Variants in WNT3A observed in about 807,000 individuals in gnomAD.
WNT3A encodes the protein Wnt family member 3A, also known as protein Wnt-3a.
A neutral mutation model predicts 37.0 loss-of-function variants in WNT3A; 17 were observed. The observed-to-expected ratio is 0.46, with a 90% CI of 0.31 to 0.69. WNT3A has a LOEUF of 0.69. Among genes scored for constraint, WNT3A ranks in the 30% least tolerant of loss-of-function variants. WNT3A has a pLI of 0.05. For synonymous variants in WNT3A, 187 were observed against 211.0 expected, an observed-to-expected ratio of 0.89 and a Z score of 0.99; for missense variants, 411 against 510.2, an observed-to-expected ratio of 0.81 and a Z score of 1.87.
intron 2 of WNT3A, among the ~76,000 whole-genome samples, chr1:228,029,239 GC>G (rs1254490490): frequency 6.6e-6 from 1 of 152,172 alleles, no homozygotes; most frequent in Non-Finnish European, 1.5e-5. Flanking sequence ...TTTTTGGAGG[GC>G]CCTTGGAGCT....
chr1:228,028,223 A>G (rs2030900822), intron 2 of WNT3A, among the ~76,000 whole-genome samples: 1 of 151,626 alleles, frequency 6.6e-6, no homozygotes, highest in African/African-American at 2.4e-5. Flanking sequence ...ATAGTAGTAT[A>G]ATTAGTAGTA....
chr1:228,054,802 T>A (rs2031636426), intron 3 of WNT3A, among the ~76,000 whole-genome samples: 1 of 150,406 alleles, frequency 6.6e-6, no homozygotes, highest in African/African-American at 2.4e-5. Context: ...AATGCTTACT[T>A]AGGTTCACAA....
At chr1:228,044,664 C>G (rs2031360650) in intron 2 of WNT3A, among the ~76,000 whole-genome samples, 1 of 152,246 alleles carries the variant, frequency 6.6e-6, no homozygotes, top group Non-Finnish European at 1.5e-5. Flanking sequence ...GCAAGGTTAA[C>G]TCAGTCCCCA....
At position 228,050,814 on chromosome 1, in the gene WNT3A, G is replaced by A. The variant is rs1488574529; in HGVS notation, c.472G>A (p.Asp158Asn). The change falls in exon 3 of 4, where the codon GAC becomes AAC. Residue 158 changes from aspartate (D) to asparagine (N), a missense_variant. Asp to Asn is a conservative substitution (Grantham distance 23). Coordinates refer to ENST00000284523, the MANE Select transcript of WNT3A (RefSeq NM_033131.4). The surrounding 1 kb of genome is among the most constrained non-coding windows in gnomAD (Gnocchi z 5.0). ...CTGGAAGTGGGGTGGCTGTAGCGAG[G>A]ACATCGAGTTTGGTGGGATGGTGTC... ...KGWKWGGCSE[D>N]IEFGGMVSRE... is the part of the protein sequence containing the mutation. The A allele has an allele frequency of 3.1e-6, 5 of 1,613,328 alleles. No individual in the cohort carries two copies. The African/African-American group carries it at 4.0e-5, about 13-fold the overall frequency.
At position 228,059,938 on chromosome 1, in the gene WNT3A, A is replaced by C; in HGVS notation, c.*473A>C. The C allele has an allele frequency of 9.1e-7, 1 of 1,096,130 alleles. No homozygotes were observed. Among genetic ancestry groups the C allele is most frequent in the Non-Finnish European group, 1.1e-6 (1 of 893,326 alleles). The allele number at this position is 1,096,130 out of a possible 1,614,324, so 67.9% of individuals were successfully genotyped here. A position where few individuals can be genotyped will look rare whatever the true frequency, so the allele number is the denominator to read the frequency against. On this transcript the variant is annotated 3_prime_UTR_variant, in exon 4 of 4. Transcript: ENST00000284523. The stretch of plus-strand genomic sequence containing the variant: ...CTAGGATGGGGCACGGCTCTGGGGT[A>C]GGCTGCTCCCTGAGGGCGGAGCGCC...
chr1:228,020,833 G>T (rs1277978745), intron 1 of WNT3A, among the ~76,000 whole-genome samples: 1 of 152,182 alleles, frequency 6.6e-6, no homozygotes, highest in Non-Finnish European at 1.5e-5. Context: ...GGGACAGACA[G>T]GAGGGAGGGT....
At chr1:228,020,475 T>G (rs1395644127) in intron 1 of WNT3A, among the ~76,000 whole-genome samples, 1 of 152,194 alleles carries the variant, frequency 6.6e-6, no homozygotes, top group Non-Finnish European at 1.5e-5. Flanking sequence ...CACTTGGCCC[T>G]GGGCAGTGGC....
intron 2 of WNT3A, among the ~76,000 whole-genome samples, chr1:228,040,779 G>A (rs913908955): frequency 6.6e-6 from 1 of 151,376 alleles, no homozygotes; most frequent in Non-Finnish European, 1.5e-5. Context: ...CCAGCTACTC[G>A]GGAGGCTGAG....
intron 2 of WNT3A, among the ~76,000 whole-genome samples, chr1:228,033,292 T>A (rs540902110): frequency 2.8e-4 from 42 of 152,358 alleles, no homozygotes; most frequent in African/African-American, 9.4e-4. Flanking sequence ...AGGTTTTTTT[T>A]AAATAAGAGT....
In WNT3A at chr1:228,059,884, G is replaced by C; in HGVS notation, c.*419G>C. ...GCACTAGGTAGGCTTCTACCTGCAGGCGGGGCTCCTCCTGAAGGAGGCGGG... is the reference window on the plus strand; with the variant it reads ...GCACTAGGTAGGCTTCTACCTGCAGCCGGGGCTCCTCCTGAAGGAGGCGGG... On this transcript the variant is annotated 3_prime_UTR_variant, in exon 4 of 4. Transcript: ENST00000284523. 9.5e-7 allele frequency: 1 copy of C among 1,052,592 alleles called. No homozygotes were observed. Among genetic ancestry groups the C allele is most frequent in the Non-Finnish European group, 1.1e-6 (1 of 871,396 alleles). 65.2% of individuals were successfully genotyped at this position (1,052,592 alleles called of 1,614,324 possible). A position where few individuals can be genotyped will look rare whatever the true frequency, so the allele number is the denominator to read the frequency against.
At chr1:228,055,178 A>AT (rs1558296133) in intron 3 of WNT3A, among the ~76,000 whole-genome samples, 35 of 46,928 alleles carry the variant, frequency 7.5e-4, no homozygotes, top group Non-Finnish European at 1.1e-3. Flanking sequence ...AAAAAAAAAA[A>AT]AATATATATA....
At chr1:228,057,192 T>C (rs536927131) in intron 3 of WNT3A, among the ~76,000 whole-genome samples, 1 of 152,274 alleles carries the variant, frequency 6.6e-6, no homozygotes, top group African/African-American at 2.4e-5. Context: ...CTTAAAGTAG[T>C]CCCAATACCA....
Position 228,008,518 on chromosome 1 carries a change from C to T in WNT3A, c.71+1319C>T, listed in dbSNP as rs1211053926. ...AGGCCGCGGGGACGCGCTTCGGGGA[C>T]CCCCGCGCGCCCCTATTTCCGCGTG... On this transcript the variant is annotated intron_variant, in intron 1 of 3. Transcript: ENST00000284523. This position sits in a 1 kb window ranked among gnomAD's most constrained non-coding sequence, Gnocchi z 4.9. Among the ~76,000 whole-genome samples the T allele has an allele frequency of 6.6e-6, 1 of 152,128 alleles. No individual in the cohort carries two copies. Among genetic ancestry groups the T allele is most frequent in the Non-Finnish European group, 1.5e-5 (1 of 67,994 alleles).
At chr1:228,023,510 C>T (rs980256993) in intron 2 of WNT3A, among the ~76,000 whole-genome samples, 1 of 150,308 alleles carries the variant, frequency 6.7e-6, no homozygotes, top group Admixed American at 6.6e-5. Context: ...AATAGAAAGA[C>T]AGAGACATAA....
In WNT3A at chr1:228,039,707, C is replaced by T. The variant is rs1280603367; in HGVS notation, c.314-10949C>T. On this transcript the variant is annotated intron_variant, in intron 2 of 3. Coordinates refer to ENST00000284523, the MANE Select transcript of WNT3A (RefSeq NM_033131.4). The surrounding 1 kb of genome is among the most constrained non-coding windows in gnomAD (Gnocchi z 4.1). The stretch of plus-strand genomic sequence containing the variant: ...CCCAGTTGAACTTGGGTCCCCAGGG[C>T]GGCCCTGCAGTGATTCATTGGCCCC... Among the ~76,000 whole-genome samples, 2 of 152,140 alleles carry T rather than the reference C, an allele frequency of 1.3e-5. No homozygotes were observed. Among genetic ancestry groups the T allele is most frequent in the African/African-American group, 2.4e-5 (1 of 41,436 alleles).
chr1:228,010,030 T>C (rs2030323981), intron 1 of WNT3A, among the ~76,000 whole-genome samples: 1 of 152,180 alleles, frequency 6.6e-6, no homozygotes, highest in Non-Finnish European at 1.5e-5. Flanking sequence ...CCAATGCATA[T>C]GCATCTGCCC....
At position 228,016,278 on chromosome 1, in the gene WNT3A, G is replaced by A. The variant is rs114840733; in HGVS notation, c.72-6389G>A. The stretch of plus-strand genomic sequence containing the variant: ...TCAAGGAAGCCATAGAAGTTTCCCC[G>A]TCAGCCTTAGAATGTCCAAGCTAGA... On this transcript the variant is annotated intron_variant, in intron 1 of 3. Coordinates refer to ENST00000284523, the MANE Select transcript of WNT3A (RefSeq NM_033131.4). 1.7e-3 allele frequency among the ~76,000 whole-genome samples: 264 copies of A among 152,254 alleles called. 3 individuals are homozygous for A. The highest frequency in any genetic ancestry group is 3.1e-3 in the Non-Finnish European group (211 of 67,998).
At chr1:228,046,708 G>A (rs1488266056) in intron 2 of WNT3A, among the ~76,000 whole-genome samples, 1 of 151,014 alleles carries the variant, frequency 6.6e-6, no homozygotes, top group Non-Finnish European at 1.5e-5. Flanking sequence ...GTGCTTGCAT[G>A]CATGTGTATA....
intron 3 of WNT3A, among the ~76,000 whole-genome samples, chr1:228,053,915 T>C (rs929364206): frequency 1.3e-5 from 2 of 152,222 alleles, no homozygotes; most frequent in South Asian, 2.1e-4. Flanking sequence ...GATTTTTAAG[T>C]GTCAAATAAC....
Sources: allele counts gnomAD v4.1 joint callset (sites outside exome capture counted in the v4.1 genomes callset), GRCh38; gene constraint gnomAD v4.1.1; non-coding constraint Gnocchi (gnomAD v3.1); transcripts MANE v1.5; gene names NCBI Gene and HGNC (gene_info 2026-07-23, HGNC 2026-07-21).